SLC1A6: variants seen among roughly 807,000 people sequenced by gnomAD.
SLC1A6 encodes the protein excitatory amino acid transporter 4.
A neutral mutation model predicts 42.1 loss-of-function variants in SLC1A6; 15 were observed. The observed-to-expected ratio is 0.36, with a 90% CI of 0.24 to 0.55. The LOEUF is 0.55. SLC1A6 is among the 20% of genes least tolerant of loss of function. The pLI is 0.88. For missense variants in SLC1A6, 542 were observed against 772.5 expected (o/e 0.70, Z 3.54); for synonymous variants, 317 against 319.7 (o/e 0.99, Z 0.09).
rs116070550 is a variant in SLC1A6 at position 14,959,618 on chromosome 19, T to C, written c.935+2384A>G. Among the ~76,000 whole-genome samples the C allele has an allele frequency of 8.7e-3, 1,324 of 152,322 alleles. 18 individuals carry two copies. The highest frequency in any genetic ancestry group is 0.03 in the African/African-American group (1,265 of 41,574). On this transcript the variant is annotated intron_variant, in intron 6 of 9. Transcript: ENST00000594383. ...GGATGATGTACAAAGTCTTCTCCCA[T>C]TTGGGATCTGACAGCCTTGTTAATA...
At chr19:15,008,678 T>C (rs191237194) in intron 1 of SLC1A6, among the ~76,000 whole-genome samples, 1 of 152,212 alleles carries the variant, frequency 6.6e-6, no homozygotes, top group Non-Finnish European at 1.5e-5. Flanking sequence ...TAGCAGATGA[T>C]TGGATGTTAA....
At chr19:14,982,400 G>A (rs953082714), upstream of SLC1A6, among the ~76,000 whole-genome samples, 50 of 152,200 alleles carry the variant, frequency 3.3e-4, no homozygotes, top group African/African-American at 1.2e-3. Flanking sequence ...ATGGTGGCGG[G>A]TGCCTGTAAT....
intron 1 of SLC1A6, among the ~76,000 whole-genome samples, chr19:14,975,961 G>A (rs1440511987): frequency 6.6e-6 from 1 of 151,930 alleles, no homozygotes; most frequent in Non-Finnish European, 1.5e-5. Flanking sequence ...AGCACTGTGT[G>A]CTATAGGTAC....
intron 1 of SLC1A6, among the ~76,000 whole-genome samples, chr19:14,989,350 C>T (rs1233526031): frequency 1.3e-5 from 2 of 152,078 alleles, no homozygotes; most frequent in African/African-American, 2.4e-5. Flanking sequence ...CAACCTCCAC[C>T]TCCTGGGTTC....
upstream of SLC1A6, among the ~76,000 whole-genome samples, chr19:14,981,159 G>A (rs1197935042): frequency 6.6e-6 from 1 of 151,906 alleles, no homozygotes; most frequent in African/African-American, 2.4e-5. Context: ...AAATTAGCTG[G>A]GCACACACCT....
chr19:14,979,058 A>T lies in SLC1A6; in HGVS notation c.-8+251T>A, dbSNP rs1394328717. On this transcript the variant is annotated intron_variant, in intron 1 of 9. Transcript: ENST00000594383. This position sits in a 1 kb window ranked among gnomAD's most constrained non-coding sequence, Gnocchi z 4.2. ...GTCTCTCTCTCTCTCTGTCACACAC[A>T]CACACACACACACACACACACACAC... Among the ~76,000 whole-genome samples the T allele has an allele frequency of 5.6e-4, 38 of 67,604 alleles. 1 individual carries two copies. The highest frequency in any genetic ancestry group is 2.2e-3 in the African/African-American group (31 of 13,846). The allele number at this position is 67,604 out of a possible 152,430, so 44.4% of individuals were successfully genotyped here. A position where few individuals can be genotyped will look rare whatever the true frequency, so the allele number is the denominator to read the frequency against.
At chr19:14,954,361 G>C in intron 7 of SLC1A6, 32 bp from the exon 8 acceptor site, 1 of 1,589,984 alleles carries the variant, frequency 6.3e-7, no homozygotes, top group Non-Finnish European at 8.5e-7. Flanking sequence ...TGAGGATGGG[G>C]CGTGGCCTGG....
chr19:14,954,211 A>G lies in SLC1A6; in HGVS notation c.1288T>C (p.Tyr430His). ...ATGAAGATGGCAGCCAGGGCCTCGTAGAGGGCAGTGCCATCCATGTTGACC... is the reference window on the plus strand; with the variant it reads ...ATGAAGATGGCAGCCAGGGCCTCGTGGAGGGCAGTGCCATCCATGTTGACC... ...ATVNMDGTAL[Y>H]EALAAIFIAQ... Residue 430 changes from tyrosine (Y) to histidine (H), a missense_variant, in exon 8 of 10, where the codon TAC (tyrosine) becomes CAC (histidine). Tyr to His is a moderately conservative substitution (Grantham distance 83). Transcript: ENST00000594383. The G allele has an allele frequency of 6.2e-7, 1 of 1,614,198 alleles. No individual in the cohort carries two copies. Among genetic ancestry groups the G allele is most frequent in the Non-Finnish European group, 8.5e-7 (1 of 1,180,032 alleles).
chr19:14,978,549 C>T (rs1043292672), intron 1 of SLC1A6, among the ~76,000 whole-genome samples: 2 of 151,942 alleles, frequency 1.3e-5, no homozygotes, highest in South Asian at 4.2e-4. Flanking sequence ...AAATGCAGCT[C>T]CATGCATGCA....
At chr19:14,959,838 C>A (rs2045493794) in intron 6 of SLC1A6, among the ~76,000 whole-genome samples, 2 of 152,240 alleles carry the variant, frequency 1.3e-5, no homozygotes, top group Non-Finnish European at 2.9e-5. Context: ...CTTCATGACT[C>A]CCTCTTCAGG....
chr19:15,005,526 AAAAAAAC>A (rs2045892305), intron 1 of SLC1A6, among the ~76,000 whole-genome samples: 1 of 152,040 alleles, frequency 6.6e-6, no homozygotes, highest in African/African-American at 2.4e-5. Context: ...ACAAAAAAAC[AAAAAAAC>A]CAGATAACTC....
intron 1 of SLC1A6, among the ~76,000 whole-genome samples, chr19:14,994,499 C>T (rs2045835751): frequency 6.6e-6 from 1 of 152,134 alleles, no homozygotes; most frequent in Non-Finnish European, 1.5e-5. Flanking sequence ...CACACCTTGA[C>T]CCAACTCCCC....
intron 1 of SLC1A6, among the ~76,000 whole-genome samples, chr19:15,008,297 AT>A (rs1280803008): frequency 6.6e-6 from 1 of 151,886 alleles, no homozygotes; most frequent in East Asian, 1.9e-4. Context: ...GTGAACCATG[AT>A]CCCCCCACTG....
Position 14,964,279 on chromosome 19 carries a change from C to A in SLC1A6, c.591+40G>T, listed in dbSNP as rs367931640. The A allele has an allele frequency of 3.8e-6, 6 of 1,591,636 alleles. No homozygotes were observed. In the African/African-American group the frequency reaches 8.1e-5, roughly 21 times the overall value. On this transcript the variant is annotated intron_variant, in intron 5 of 9. Coordinates refer to ENST00000594383, the MANE Select transcript of SLC1A6 (RefSeq NM_005071.3). ...CCTTCAGCCCCAAGCTCCCACCACC[C>A]TCCGAATCTCCTTGATCAAACTGTG...
chr19:14,989,972 A>G (rs2045811637), intron 1 of SLC1A6, among the ~76,000 whole-genome samples: 1 of 152,112 alleles, frequency 6.6e-6, no homozygotes, highest in Non-Finnish European at 1.5e-5. Flanking sequence ...AGCCTGGGCA[A>G]CAGAGCAAGA....
Position 14,962,058 on chromosome 19 carries a change from C to T in SLC1A6, c.879G>A (p.Arg293=), listed in dbSNP as rs142341165. The T allele has an allele frequency of 4.6e-4, 748 of 1,614,058 alleles. 2 individuals carry two copies. The highest frequency in any genetic ancestry group is 6.3e-4 in the Admixed American group (38 of 59,994). Residue 293 remains arginine, a synonymous_variant, in exon 6 of 10, where the codon AGG becomes AGA. Transcript: ENST00000594383. ...CCTCATTGAGGCTGTCGAAGAAGTC[C>T]CTGAGGACTCTGCCCTTGTGTTTCA... The part of the protein sequence containing the change: ...GGMKHKGRVL[R]DFFDSLNEAI...
chr19:15,002,719 A>G (rs1478425618), intron 1 of SLC1A6, among the ~76,000 whole-genome samples: 1 of 152,190 alleles, frequency 6.6e-6, no homozygotes, highest in Non-Finnish European at 1.5e-5. Context: ...AGTAAAGAAC[A>G]CAGAGTAGAG....
At chr19:14,964,451 T>C (rs1036239036) in intron 4 of SLC1A6, 90 bp from the exon 5 acceptor site, 3 of 1,032,820 alleles carry the variant, frequency 2.9e-6, no homozygotes, top group Admixed American at 1.7e-5. Context: ...AGAACAACAA[T>C]AGTGCAGCCA....
intron 1 of SLC1A6, among the ~76,000 whole-genome samples, chr19:14,994,995 A>G (rs944016523): frequency 6.6e-6 from 1 of 152,158 alleles, no homozygotes; most frequent in Non-Finnish European, 1.5e-5. Context: ...GATCTCACTC[A>G]TATGTGGAAT....
Sources: gnomAD v4.1 joint callset for allele counts (sites outside exome capture counted in the v4.1 genomes callset) on GRCh38, gnomAD v4.1.1 for gene constraint, Gnocchi (gnomAD v3.1) non-coding constraint, MANE v1.5 for transcripts, NCBI Gene and HGNC (gene_info 2026-07-23, HGNC 2026-07-21) for gene names.